NALF1: variants seen among roughly 807,000 people sequenced by gnomAD.
NALF1 encodes NALCN channel auxiliary factor 1.
In NALF1, 3 loss-of-function variants were observed where a neutral mutation model predicts 48.4. The ratio of observed to expected loss-of-function variants is 0.06; its 90% CI spans 0.03 to 0.16. The LOEUF (loss-of-function observed/expected upper bound fraction) is 0.16. NALF1 is among the 10% of genes least tolerant of loss of function. The pLI, the probability that NALF1 is intolerant of heterozygous loss-of-function variation, is 1.00. For synonymous variants in NALF1, 262 were observed against 245.7 expected (o/e 1.07, Z -0.62); for missense variants, 526 against 571.5 (o/e 0.92, Z 0.81).
At chr13:107,387,359 C>G (rs987055042) in intron 1 of NALF1, among the ~76,000 whole-genome samples, 99 of 152,226 alleles carry the variant, frequency 6.5e-4, no homozygotes, top group African/African-American at 2.2e-3. Flanking sequence ...TACACAGCAC[C>G]AAGCAGCAGG....
intron 1 of NALF1, among the ~76,000 whole-genome samples, chr13:107,379,533 T>G (rs1192003727): frequency 6.6e-6 from 1 of 152,078 alleles, no homozygotes; most frequent in Non-Finnish European, 1.5e-5. Context: ...GTCAAAGGAA[T>G]ACAACGCAGA....
At chr13:107,482,547 C>T (rs952535537) in intron 1 of NALF1, among the ~76,000 whole-genome samples, 3 of 152,182 alleles carry the variant, frequency 2.0e-5, no homozygotes, top group African/African-American at 7.2e-5. Context: ...ACTGCAATAA[C>T]TGCTATTTTA....
At chr13:107,382,866 T>G (rs1298118828) in intron 1 of NALF1, among the ~76,000 whole-genome samples, 1 of 152,178 alleles carries the variant, frequency 6.6e-6, no homozygotes. Context: ...AAGTGGCTGG[T>G]GTTAGCTCTG....
At chr13:107,396,697 G>A (rs894757056) in intron 1 of NALF1, among the ~76,000 whole-genome samples, 3 of 152,142 alleles carry the variant, frequency 2.0e-5, no homozygotes, top group Admixed American at 2.0e-4. Flanking sequence ...GAACTGTAGG[G>A]CTGTAGTGCT....
At chr13:107,406,831 C>T (rs937892210) in intron 1 of NALF1, among the ~76,000 whole-genome samples, 1 of 151,800 alleles carries the variant, frequency 6.6e-6, no homozygotes, top group Non-Finnish European at 1.5e-5. Flanking sequence ...GCAAAAAGAA[C>T]AGAATGGGAG....
At chr13:107,293,942 T>C (rs1881678147) in intron 1 of NALF1, among the ~76,000 whole-genome samples, 1 of 152,128 alleles carries the variant, frequency 6.6e-6, no homozygotes, top group Admixed American at 6.6e-5. Flanking sequence ...AAGGCAAGAG[T>C]GGCACACAAT....
intron 1 of NALF1, among the ~76,000 whole-genome samples, chr13:107,739,503 A>C (rs1241587658): frequency 6.6e-6 from 1 of 151,268 alleles, no homozygotes; most frequent in Non-Finnish European, 1.5e-5. Flanking sequence ...TACATTGAAC[A>C]AATTGTCTCA....
At chr13:107,342,727 T>C (rs1401344136) in intron 1 of NALF1, among the ~76,000 whole-genome samples, 1 of 152,118 alleles carries the variant, frequency 6.6e-6, no homozygotes, top group Non-Finnish European at 1.5e-5. Context: ...CCATGGTAAC[T>C]ATAAATAAAA....
intron 1 of NALF1, among the ~76,000 whole-genome samples, chr13:107,508,663 C>A (rs1190147780): frequency 1.3e-5 from 2 of 151,954 alleles, no homozygotes; most frequent in Non-Finnish European, 2.9e-5. Context: ...TTTTCTTGAG[C>A]AGTTTGCTAA....
chr13:107,311,896 G>T (rs938789140), intron 1 of NALF1, among the ~76,000 whole-genome samples: 1 of 152,068 alleles, frequency 6.6e-6, no homozygotes, highest in African/African-American at 2.4e-5. Context: ...CAGTTAGAAT[G>T]GCCATCATTA....
intron 1 of NALF1, among the ~76,000 whole-genome samples, chr13:107,782,662 G>A (rs868265930): frequency 3.3e-5 from 5 of 151,334 alleles, no homozygotes; most frequent in African/African-American, 9.7e-5. Context: ...GTCTCTGCCC[G>A]GCCGGCCATC....
In NALF1 at chr13:107,865,833, C is replaced by G; in HGVS notation, c.764G>C (p.Gly255Ala). 1 of 1,614,126 alleles carries G rather than the reference C, an allele frequency of 6.2e-7. No individual in the cohort carries two copies. Among genetic ancestry groups the G allele is most frequent in the Non-Finnish European group, 8.5e-7 (1 of 1,180,024 alleles). ...NCSLDVVLKE[G>A]GEMTTCRQCV... is the part of the protein sequence containing the mutation. Reference sequence around the variant, plus strand: ...CTGCCTGCAAGTGGTCATCTCGCCGCCTTCCTTGAGCACCACATCCAGACT... The same window carrying G: ...CTGCCTGCAAGTGGTCATCTCGCCGGCTTCCTTGAGCACCACATCCAGACT... The change falls in exon 1 of 3, where the codon GGC becomes GCC. Residue 255 changes from glycine to alanine, a missense_variant. Gly to Ala is a moderately conservative substitution (Grantham distance 60). Transcript: ENST00000375915.
At chr13:107,459,421 T>A (rs1479850287) in intron 1 of NALF1, among the ~76,000 whole-genome samples, 2 of 152,066 alleles carry the variant, frequency 1.3e-5, no homozygotes, top group African/African-American at 2.4e-5. Context: ...CCTGTTTTGT[T>A]AGTATACAAT....
At chr13:107,811,886 G>A (rs1879003767) in intron 1 of NALF1, among the ~76,000 whole-genome samples, 1 of 152,108 alleles carries the variant, frequency 6.6e-6, no homozygotes, top group Non-Finnish European at 1.5e-5. Context: ...TGGGAATTAA[G>A]TTTCCAGCAC....
intron 1 of NALF1, among the ~76,000 whole-genome samples, chr13:107,351,511 C>T (rs1237522508): frequency 1.3e-5 from 2 of 152,152 alleles, no homozygotes; most frequent in East Asian, 1.9e-4. Flanking sequence ...AAGATGCTCC[C>T]GGAAGAACAC....
chr13:107,271,793 TATATATATATATATATA>T (rs1881174055), intron 1 of NALF1, among the ~76,000 whole-genome samples: 3 of 126,362 alleles, frequency 2.4e-5, no homozygotes, highest in Non-Finnish European at 3.4e-5. Context: ...TATATATATA[TATATATATATATATATA>T]TATATATTTA....
chr13:107,327,629 A>C (rs1231872789), intron 1 of NALF1, among the ~76,000 whole-genome samples: 2 of 152,136 alleles, frequency 1.3e-5, no homozygotes, highest in Non-Finnish European at 2.9e-5. Flanking sequence ...TACTTTTAAA[A>C]AACTTTTTAC....
intron 1 of NALF1, among the ~76,000 whole-genome samples, chr13:107,656,552 T>C (rs1880581753): frequency 6.6e-6 from 1 of 152,182 alleles, no homozygotes; most frequent in South Asian, 2.1e-4. Flanking sequence ...ATTTTTACAA[T>C]GCTGGTGGGA....
At chr13:107,259,034 A>G (rs78101746) in intron 1 of NALF1, among the ~76,000 whole-genome samples, 2 of 152,032 alleles carry the variant, frequency 1.3e-5, no homozygotes, top group African/African-American at 4.8e-5. Flanking sequence ...TGATTGTCAC[A>G]TGTTTAAGGA....
Sources: gnomAD v4.1 joint callset for allele counts (sites outside exome capture counted in the v4.1 genomes callset) on GRCh38, gnomAD v4.1.1 for gene constraint, MANE v1.5 for transcripts, NCBI Gene and HGNC (gene_info 2026-07-23, HGNC 2026-07-21) for gene names.